Variants in REV3L observed in about 807,000 individuals in gnomAD.
REV3L encodes the protein DNA polymerase zeta catalytic subunit.
A neutral mutation model predicts 299.4 loss-of-function variants in REV3L; 69 were observed. The ratio of observed to expected loss-of-function variants is 0.23; its 90% CI spans 0.19 to 0.28. The LOEUF (loss-of-function observed/expected upper bound fraction) is 0.28. REV3L is among the 10% of genes least tolerant of loss of function. The pLI, the probability that REV3L is intolerant of heterozygous loss-of-function variation, is 1.00. For missense variants in REV3L, 3,128 were observed against 3,693.8 expected (o/e 0.85, Z 3.97); for synonymous variants, 1,238 against 1,271.4 (o/e 0.97, Z 0.56).
rs148297633 is a variant in REV3L, at chr6:111,375,044, C to T, written c.3311G>A (p.Ser1104Asn). The change falls in exon 13 of 32, where the codon AGT (serine) becomes AAT (asparagine). Residue 1104 changes from serine (S) to asparagine (N), a missense_variant. Around this residue, in one of 9 missense-constraint regions of REV3L, gnomAD observed 2,409 missense variants for 2,611.8 expected, o/e 0.92. Coordinates refer to ENST00000368802, the MANE Select transcript of REV3L (RefSeq NM_001372078.1). Reference protein sequence around the residue: ...AETEDCDLNYSDVMSKLGFLS... With the variant: ...AETEDCDLNYNDVMSKLGFLS... ...AAAACCTAGTTTAGACATAACATCA[C>T]TATAATTCAGGTCACAATCTTCGGT... 1 of 1,613,898 alleles carries T rather than the reference C, an allele frequency of 6.2e-7. No homozygotes were observed. Among genetic ancestry groups the T allele is most frequent in the African/African-American group, 1.3e-5 (1 of 74,916 alleles).
intron 30 of REV3L, 71 bp from the exon 31 acceptor site, chr6:111,307,641 A>C: frequency 7.1e-7 from 1 of 1,418,104 alleles, no homozygotes; most frequent in Non-Finnish European, 9.9e-7. Context: ...CATGCTAATT[A>C]CAGGTTTACT....
At chr6:111,332,165 G>A (rs1324653471) in intron 23 of REV3L, among the ~76,000 whole-genome samples, 7 of 151,968 alleles carry the variant, frequency 4.6e-5, no homozygotes, top group Admixed American at 1.3e-4. Context: ...TCCGCCTCCC[G>A]GGTTCATGCC....
In REV3L at chr6:111,436,656, G is replaced by T. The variant is rs189808040; in HGVS notation, c.140-20184C>A. ...GGTGGGGGTGCAGGGATGAAGAGAG[G>T]TTGATTAAGGGGTACAAATATAGAG... On this transcript the variant is annotated intron_variant, in intron 1 of 31. Transcript: ENST00000368802. 1.3e-3 allele frequency among the ~76,000 whole-genome samples: 201 copies of T among 152,228 alleles called. 2 individuals carry two copies. The highest frequency in any genetic ancestry group is 0.011 in the South Asian group (55 of 4,828).
intron 1 of REV3L, among the ~76,000 whole-genome samples, chr6:111,452,373 T>C (rs1308335572): frequency 6.6e-6 from 1 of 152,104 alleles, no homozygotes; most frequent in Non-Finnish European, 1.5e-5. Context: ...GAAATGAAAG[T>C]ATATAATCAC....
At position 111,477,369 on chromosome 6, in the gene REV3L, T is replaced by C. The variant is rs2128342974; in HGVS notation, c.139+5381A>G. 2.6e-5 allele frequency among the ~76,000 whole-genome samples: 4 copies of C among 152,298 alleles called. No homozygotes were observed. The South Asian group carries it at 8.3e-4, about 32-fold the overall frequency. ...GTTACAATCTATTTGGAAAAACAGA[T>C]GTTAATCTCCAACACATATGAAATT... is the stretch of plus-strand genomic sequence containing the variant. On this transcript the variant is annotated intron_variant, in intron 1 of 31. Transcript: ENST00000368802.
chr6:111,410,467 CT>C (rs1784132947), intron 3 of REV3L, among the ~76,000 whole-genome samples: 1 of 152,172 alleles, frequency 6.6e-6, no homozygotes, highest in African/African-American at 2.4e-5. Flanking sequence ...GGAAAAATGA[CT>C]GAGGTTTACT....
At chr6:111,346,016 G>T (rs756017721) in intron 20 of REV3L, among the ~76,000 whole-genome samples, 6 of 152,050 alleles carry the variant, frequency 3.9e-5, no homozygotes, top group Non-Finnish European at 7.4e-5. Flanking sequence ...TTTTAGCTAA[G>T]AACAGTAATT....
intron 3 of REV3L, among the ~76,000 whole-genome samples, chr6:111,407,556 T>C (rs567663631): frequency 2.7e-4 from 41 of 152,292 alleles, no homozygotes; most frequent in African/African-American, 8.9e-4. Context: ...GGACCTAAAA[T>C]TGGATTTAGC....
chr6:111,329,691 C>T lies in REV3L; in HGVS notation c.8082G>A (p.Leu2694=). 11 of 1,613,714 alleles carry T rather than the reference C, an allele frequency of 6.8e-6. No individual in the cohort carries two copies. Among genetic ancestry groups the T allele is most frequent in the Non-Finnish European group, 9.3e-6 (11 of 1,180,020 alleles). Residue 2694 remains leucine, a synonymous_variant, in exon 25 of 32, where the codon TTG becomes TTA. Transcript: ENST00000368802. ...GVLPRMLEEI[L]KTRFMVKQSM... ...ACTGCTTCACCATAAATCTAGTCTT[C>T]AAAATTTCTTCAAGCATTCTTGGTA...
intron 1 of REV3L, among the ~76,000 whole-genome samples, chr6:111,466,015 G>A (rs557185593): frequency 6.6e-6 from 1 of 152,206 alleles, no homozygotes; most frequent in South Asian, 2.1e-4. Context: ...TATGCAACAA[G>A]ACAAGAACAA....
intron 14 of REV3L, among the ~76,000 whole-genome samples, chr6:111,366,150 A>G (rs1373209722): frequency 2.0e-5 from 3 of 152,314 alleles, no homozygotes; most frequent in East Asian, 3.9e-4. Flanking sequence ...AAACTGAAAG[A>G]AGGCCAGATG....
intron 21 of REV3L, among the ~76,000 whole-genome samples, chr6:111,339,337 C>G (rs1227328712): frequency 6.6e-6 from 1 of 151,932 alleles, no homozygotes; most frequent in Non-Finnish European, 1.5e-5. Context: ...AGTTTACAAA[C>G]CTAGTACACT....
chr6:111,403,217 T>A (rs554472368), intron 4 of REV3L, among the ~76,000 whole-genome samples: 1 of 152,170 alleles, frequency 6.6e-6, no homozygotes, highest in African/African-American at 2.4e-5. Context: ...ATTAGTAAGG[T>A]TGCTCAGGAG....
intron 26 of REV3L, 148 bp from the exon 27 acceptor site, chr6:111,315,529 G>A: frequency 1.6e-6 from 1 of 607,152 alleles, no homozygotes; most frequent in Non-Finnish European, 2.9e-6. Context: ...TTCTATGTAA[G>A]CTCTCCTGTT....
intron 27 of REV3L, 118 bp from the exon 28 acceptor site, chr6:111,313,607 A>C: frequency 1.9e-6 from 2 of 1,044,802 alleles, no homozygotes; most frequent in Non-Finnish European, 2.7e-6. Context: ...AATTCTATAT[A>C]TGACTTTGGG....
chr6:111,448,259 T>TTA (rs1198853837), intron 1 of REV3L, among the ~76,000 whole-genome samples: 1 of 152,216 alleles, frequency 6.6e-6, no homozygotes, highest in Non-Finnish European at 1.5e-5. Context: ...TAAGACTTGT[T>TTA]TATACCATGC....
At chr6:111,440,880 GT>G (rs1182581842) in intron 1 of REV3L, among the ~76,000 whole-genome samples, 2 of 152,138 alleles carry the variant, frequency 1.3e-5, no homozygotes, top group African/African-American at 2.4e-5. Context: ...ATAATTCGAG[GT>G]TGGTGTTTTT....
At chr6:111,332,468 A>T (rs989556888) in intron 23 of REV3L, among the ~76,000 whole-genome samples, 24 of 152,194 alleles carry the variant, frequency 1.6e-4, no homozygotes, top group African/African-American at 5.5e-4. Context: ...AAATACTGTA[A>T]ATCTTGTAAA....
At chr6:111,431,084 T>C (rs943584163) in intron 1 of REV3L, 5 of 1,498,346 alleles carry the variant, frequency 3.3e-6, no homozygotes, top group Admixed American at 3.3e-5. Context: ...TATGCAAATA[T>C]CAACAAGAAT....
Sources: gnomAD v4.1 joint callset for allele counts (sites outside exome capture counted in the v4.1 genomes callset) on GRCh38, gnomAD v4.1.1 for gene constraint, gnomAD v4.1.1 regional missense constraint, MANE v1.5 for transcripts, NCBI Gene and HGNC (gene_info 2026-07-23, HGNC 2026-07-21) for gene names.